USH2A: variants seen among roughly 807,000 people sequenced by gnomAD.
USH2A encodes usherin, also known as Usher syndrome 2A (autosomal recessive, mild).
A neutral mutation model predicts 538.9 loss-of-function variants in USH2A; 443 were observed. The observed-to-expected ratio is 0.82, with a 90% CI of 0.76 to 0.89. The LOEUF (loss-of-function observed/expected upper bound fraction) is 0.89, where lower values mean the gene tolerates loss of function less well. Ranked by LOEUF, USH2A falls within the 40% of genes least tolerant of loss-of-function variation. The probability of loss-of-function intolerance (pLI) is 0.00; values close to 1 mark genes in which losing one functional copy is unlikely to be tolerated. For synonymous variants in USH2A, 2,413 were observed against 2,273.5 expected, an observed-to-expected ratio of 1.06 and a Z score of -1.75; for missense variants, 6,633 against 6,324.8, an observed-to-expected ratio of 1.05 and a Z score of -1.65.
chr1:215,790,980 AG>A (rs1661964885), intron 50 of USH2A, among the ~76,000 whole-genome samples: 1 of 152,190 alleles, frequency 6.6e-6, no homozygotes. Flanking sequence ...GGGCAGCCGC[AG>A]AAAGACCTTG....
chr1:216,215,989 G>T (rs957518779), intron 15 of USH2A, among the ~76,000 whole-genome samples: 2 of 152,036 alleles, frequency 1.3e-5, no homozygotes, highest in Non-Finnish European at 2.9e-5. Context: ...AGTAGAGCAG[G>T]TGCCAATATT....
chr1:215,752,465 A>C (rs996833361), intron 58 of USH2A, among the ~76,000 whole-genome samples: 1 of 152,170 alleles, frequency 6.6e-6, no homozygotes, highest in Non-Finnish European at 1.5e-5. Flanking sequence ...CCAAGGCTTT[A>C]AAATAGAATT....
At position 215,674,207 on chromosome 1, in the gene USH2A, G is replaced by A. The variant is rs397517986; in HGVS notation, c.13704C>T (p.Phe4568=). The A allele has an allele frequency of 1.5e-5, 25 of 1,614,016 alleles. No individual in the cohort carries two copies. In the East Asian group the frequency reaches 4.0e-4, roughly 26 times the overall value. The change falls in exon 63 of 72, where the codon TTC becomes TTT. Residue 4568 remains phenylalanine, a synonymous_variant. Coordinates refer to ENST00000307340, the MANE Select transcript of USH2A (RefSeq NM_206933.4). ...TNGDIINYTL[F]IRELFERETK... The stretch of plus-strand genomic sequence containing the variant: ...TTTCTCTTTCAAATAGTTCACGGAT[G>A]AAGAGGGTATAATTGATGATATCAC...
chr1:216,331,805 G>A (rs2037868683), intron 4 of USH2A, among the ~76,000 whole-genome samples: 1 of 152,052 alleles, frequency 6.6e-6, no homozygotes, highest in Admixed American at 6.6e-5. Flanking sequence ...ATGTATATAG[G>A]TAAAAACTAT....
In USH2A at chr1:216,247,292, C is replaced by A; in HGVS notation, c.2168-66G>T. 3.2e-6 allele frequency: 5 copies of A among 1,587,204 alleles called. No individual in the cohort carries two copies. In the South Asian group the frequency reaches 5.6e-5, roughly 18 times the overall value. The stretch of plus-strand genomic sequence containing the variant: ...GATTTCATTCAAGATAGACGAGACA[C>A]AAACAATGCTACTGCAGATGATACG... On this transcript the variant is annotated intron_variant, in intron 12 of 71. Transcript: ENST00000307340.
chr1:216,180,099 CA>C (rs2034464456), intron 20 of USH2A, among the ~76,000 whole-genome samples: 2 of 151,960 alleles, frequency 1.3e-5, no homozygotes, highest in Non-Finnish European at 2.9e-5. Context: ...AGTTTCTATA[CA>C]AATATAAGGT....
chr1:215,705,715 T>C (rs1320958220), intron 61 of USH2A, among the ~76,000 whole-genome samples: 2 of 152,168 alleles, frequency 1.3e-5, no homozygotes, highest in Non-Finnish European at 2.9e-5. Flanking sequence ...AAACTAAAGA[T>C]GGTAGGGGGC....
chr1:216,148,743 C>A (rs1406849840), intron 21 of USH2A, among the ~76,000 whole-genome samples: 1 of 151,636 alleles, frequency 6.6e-6, no homozygotes, highest in Non-Finnish European at 1.5e-5. Context: ...AACCCATATA[C>A]TCTCCTATCC....
At chr1:216,418,838 T>C (rs1046418914) in intron 2 of USH2A, among the ~76,000 whole-genome samples, 159 bp from the exon 3 acceptor site, 15 of 152,122 alleles carry the variant, frequency 9.9e-5, no homozygotes, top group Non-Finnish European at 2.9e-5. Flanking sequence ...CAATGAAAGC[T>C]TTATTCCAAT....
At chr1:216,087,775 TC>T (rs2032180010) in intron 23 of USH2A, among the ~76,000 whole-genome samples, 1 of 152,198 alleles carries the variant, frequency 6.6e-6, no homozygotes, top group African/African-American at 2.4e-5. Context: ...TCTTCAATTA[TC>T]ACCCTGGTTC....
chr1:215,910,820 G>T (rs1317141219), intron 38 of USH2A, among the ~76,000 whole-genome samples: 1 of 151,614 alleles, frequency 6.6e-6, no homozygotes, highest in Admixed American at 6.6e-5. Flanking sequence ...CAGATTTATT[G>T]CTTCTCTCTG....
At position 216,206,571 on chromosome 1, in the gene USH2A, C is replaced by T. The variant is rs926731048; in HGVS notation, c.3316+702G>A. Among the ~76,000 whole-genome samples, 20 of 152,234 alleles carry T rather than the reference C, an allele frequency of 1.3e-4. No individual in the cohort carries two copies. The East Asian group carries it at 3.7e-3, about 28-fold the overall frequency. ...TGCTGCTCACCTCCTGCTGTGTGGT[C>T]CTGTTCCTAACAGGTCACAGACCAG... On this transcript the variant is annotated intron_variant, in intron 16 of 71. Transcript: ENST00000307340.
At chr1:215,896,191 A>G (rs1450093838) in intron 40 of USH2A, among the ~76,000 whole-genome samples, 1 of 152,196 alleles carries the variant, frequency 6.6e-6, no homozygotes, top group Non-Finnish European at 1.5e-5. Context: ...CTCTTAGACT[A>G]GTGGTTAAAA....
intron 30 of USH2A, among the ~76,000 whole-genome samples, chr1:216,050,571 T>TCCGTTC: frequency 2.2e-5 from 1 of 44,578 alleles, no homozygotes; most frequent in East Asian, 6.8e-4. Flanking sequence ...TTTCTTTCTT[T>TCCGTTC]CTTTCTTTCT....
intron 45 of USH2A, 95 bp from the exon 46 acceptor site, chr1:215,844,591 G>T (rs1036371741): frequency 3.4e-5 from 45 of 1,311,678 alleles, no homozygotes; most frequent in Admixed American, 2.0e-4. Context: ...TTAGCAAAGG[G>T]TTCCTCGCTT....
chr1:215,682,347 C>T (rs977088861), intron 61 of USH2A, among the ~76,000 whole-genome samples: 1 of 152,044 alleles, frequency 6.6e-6, no homozygotes, highest in Admixed American at 6.6e-5. Flanking sequence ...AAAGCAAAAA[C>T]ATATGTATAT....
chr1:215,743,988 T>C (rs1273765183), intron 58 of USH2A, among the ~76,000 whole-genome samples: 2 of 152,202 alleles, frequency 1.3e-5, no homozygotes, highest in Non-Finnish European at 2.9e-5. Flanking sequence ...ATATACTCTA[T>C]TGGCAAATAA....
Position 215,674,158 on chromosome 1 carries a change from T to G in USH2A, c.13753A>C (p.Thr4585Pro). The G allele has an allele frequency of 6.2e-7, 1 of 1,613,842 alleles. No individual in the cohort carries two copies. Among genetic ancestry groups the G allele is most frequent in the South Asian group, 1.1e-5 (1 of 91,056 alleles). The change falls in exon 63 of 72, where the codon ACT becomes CCT. Residue 4585 changes from threonine (T) to proline (P), a missense_variant. Transcript: ENST00000307340. ...RETKIIHINT[T>P]HNSFGMQSYI... ...GACTGCATACCAAAAGAATTATGAG[T>G]TGTGTTTATGTGTATGATTTTAGTT...
At chr1:215,659,110 A>G (rs1657358908) in intron 64 of USH2A, among the ~76,000 whole-genome samples, 1 of 152,210 alleles carries the variant, frequency 6.6e-6, no homozygotes. Context: ...CACAAATAAA[A>G]TAAACAGGTT....
Sources: gnomAD v4.1 joint callset for allele counts (sites outside exome capture counted in the v4.1 genomes callset) on GRCh38, gnomAD v4.1.1 for gene constraint, MANE v1.5 for transcripts, NCBI Gene and HGNC (gene_info 2026-07-23, HGNC 2026-07-21) for gene names.